The following POU6F2 variants were observed in gnomAD, a reference collection of about 807,000 sequenced individuals.
The protein encoded by POU6F2 is POU class 6 homeobox 2.
POU6F2 carries 31 observed loss-of-function variants against 71.3 expected under a neutral mutation model. The observed-to-expected ratio is 0.43, with a 90% CI of 0.33 to 0.59. The LOEUF (loss-of-function observed/expected upper bound fraction) is 0.59. Among genes scored for constraint, POU6F2 ranks in the 20% least tolerant of loss-of-function variants. POU6F2 has a pLI of 0.04. For missense variants in POU6F2, 783 were observed against 856.8 expected (o/e 0.91, Z 1.07); for synonymous variants, 347 against 355.7 (o/e 0.98, Z 0.27).
chr7:39,401,115 A>C (rs1191511091), intron 5 of POU6F2, among the ~76,000 whole-genome samples: 1 of 152,188 alleles, frequency 6.6e-6, no homozygotes, highest in Non-Finnish European at 1.5e-5. Context: ...CATTCTTCCC[A>C]GTGCGCAGGC....
chr7:39,088,369 A>G (rs1478319089), intron 2 of POU6F2, among the ~76,000 whole-genome samples: 1 of 152,174 alleles, frequency 6.6e-6, no homozygotes, highest in East Asian at 1.9e-4. Context: ...AGTTTACGTA[A>G]CTGACTAAAA....
At chr7:39,031,238 TC>T (rs1179420838) in intron 1 of POU6F2, among the ~76,000 whole-genome samples, 1 of 152,138 alleles carries the variant, frequency 6.6e-6, no homozygotes, top group East Asian at 1.9e-4. Flanking sequence ...GTATTTTAGT[TC>T]ATTCTGTTGT....
intron 4 of POU6F2, among the ~76,000 whole-genome samples, chr7:39,246,201 A>G (rs1226715055): frequency 6.6e-6 from 1 of 152,166 alleles, no homozygotes; most frequent in African/African-American, 2.4e-5. Context: ...ACAAGCAAAT[A>G]TGTTCTGAGC....
intron 6 of POU6F2, among the ~76,000 whole-genome samples, chr7:39,413,821 C>T (rs1356784754): frequency 1.3e-5 from 2 of 152,216 alleles, no homozygotes; most frequent in Admixed American, 6.5e-5. Context: ...AATCTTTCTA[C>T]TAACATATCA....
chr7:39,226,146 T>C (rs1562754264), intron 4 of POU6F2, among the ~76,000 whole-genome samples: 2 of 152,146 alleles, frequency 1.3e-5, no homozygotes, highest in Non-Finnish European at 2.9e-5. Context: ...AAGGTTGTAA[T>C]GAAATATTAG....
chr7:39,266,558 A>G (rs760271212), intron 4 of POU6F2, among the ~76,000 whole-genome samples: 3 of 151,786 alleles, frequency 2.0e-5, no homozygotes, highest in Non-Finnish European at 2.9e-5. Flanking sequence ...GGGAATGGGG[A>G]CTTGCTATGT....
At chr7:39,389,193 T>C (rs1161377931) in intron 5 of POU6F2, among the ~76,000 whole-genome samples, 1 of 152,158 alleles carries the variant, frequency 6.6e-6, no homozygotes, top group East Asian at 1.9e-4. Context: ...AGTGAAAATT[T>C]AGGGGAAAGA....
rs568772830 is a variant in POU6F2 at position 39,045,216 on chromosome 7, C to G, written c.106-40644C>G. ...GAATTCGCATCCCGTACCTATAGCT[C>G]GAACTGAGAAATTATCAGCACCTTA... On this transcript the variant is annotated intron_variant, in intron 1 of 9. Transcript: ENST00000518318. 3.3e-5 allele frequency among the ~76,000 whole-genome samples: 5 copies of G among 152,064 alleles called. No individual in the cohort carries two copies. In the East Asian group the frequency reaches 7.8e-4, roughly 24 times the overall value.
intron 2 of POU6F2, among the ~76,000 whole-genome samples, chr7:39,098,505 T>C (rs1026271796): frequency 7.2e-5 from 11 of 152,002 alleles, no homozygotes; most frequent in African/African-American, 2.7e-4. Flanking sequence ...GGTCTTGAAC[T>C]CCTGGCCTCA....
chr7:39,086,588 G>A (rs1210957875), intron 2 of POU6F2, among the ~76,000 whole-genome samples: 1 of 152,156 alleles, frequency 6.6e-6, no homozygotes, highest in African/African-American at 2.4e-5. Flanking sequence ...AAAAGGTGAT[G>A]AGGAAAGAAA....
At chr7:39,434,825 T>C (rs914638175) in intron 7 of POU6F2, among the ~76,000 whole-genome samples, 5 of 152,128 alleles carry the variant, frequency 3.3e-5, no homozygotes, top group African/African-American at 1.2e-4. Context: ...GTTGTTCCCC[T>C]CTCTGTGTCC....
At chr7:39,337,504 C>G (rs1372339574) in intron 4 of POU6F2, among the ~76,000 whole-genome samples, 1 of 152,186 alleles carries the variant, frequency 6.6e-6, no homozygotes, top group Non-Finnish European at 1.5e-5. Flanking sequence ...ATTTTATCTG[C>G]AAACATTCTT....
At chr7:39,407,600 A>G (rs1266581465) in intron 6 of POU6F2, among the ~76,000 whole-genome samples, 1 of 151,834 alleles carries the variant, frequency 6.6e-6, no homozygotes, top group Non-Finnish European at 1.5e-5. Context: ...ATGAAATCCA[A>G]GGGAGAAGGA....
rs1322246710 is a variant in POU6F2 at position 39,419,139 on chromosome 7, A to ATGTG, written c.1113+12400_1113+12401insGTGT. Among the ~76,000 whole-genome samples the ATGTG allele has an allele frequency of 8.5e-3, 1,189 of 140,190 alleles. 11 individuals are homozygous for ATGTG. The highest frequency in any genetic ancestry group is 0.027 in the Middle Eastern group (7 of 262). The allele number at this position is 140,190 out of a possible 152,430, so 92.0% of individuals were successfully genotyped here. Reference sequence around the variant, plus strand: ...TATATATGTGTATATATACACATATATATACGTATATATGTGTATATATAC... The same window carrying ATGTG: ...TATATATGTGTATATATACACATATATGTGTATACGTATATATGTGTATATATAC... On this transcript the variant is annotated intron_variant, in intron 6 of 9. Transcript: ENST00000518318.
intron 2 of POU6F2, among the ~76,000 whole-genome samples, chr7:39,149,822 G>A (rs1329056784): frequency 6.6e-6 from 1 of 151,724 alleles, no homozygotes; most frequent in East Asian, 1.9e-4. Context: ...TGTGTTTCTG[G>A]CTTATTTCGC....
chr7:39,446,420 T>C (rs1331531981), intron 7 of POU6F2, among the ~76,000 whole-genome samples: 1 of 152,258 alleles, frequency 6.6e-6, no homozygotes, highest in African/African-American at 2.4e-5. Context: ...TTCTGCATTT[T>C]AGTCCATTTT....
In POU6F2 at chr7:39,260,752, C is replaced by T. The variant is rs529122033; in HGVS notation, c.598+53132C>T. Among the ~76,000 whole-genome samples, 258 of 151,960 alleles carry T rather than the reference C, an allele frequency of 1.7e-3. 1 individual carries two copies. The highest frequency in any genetic ancestry group is 0.01 in the Middle Eastern group (3 of 294). On this transcript the variant is annotated intron_variant, in intron 4 of 9. Coordinates refer to ENST00000518318, the MANE Select transcript of POU6F2 (RefSeq NM_001370959.1). The stretch of plus-strand genomic sequence containing the variant: ...ACCACCTGCACACAACACACAGACA[C>T]CATGCCACATACCACATATACCACA...
chr7:39,297,711 T>C (rs1784877521), intron 4 of POU6F2, among the ~76,000 whole-genome samples: 1 of 149,556 alleles, frequency 6.7e-6, no homozygotes, highest in South Asian at 2.1e-4. Flanking sequence ...AATTAAACTA[T>C]CCTCAACAAA....
At chr7:39,433,517 A>G (rs569846298) in intron 7 of POU6F2, among the ~76,000 whole-genome samples, 2 of 152,352 alleles carry the variant, frequency 1.3e-5, no homozygotes, top group Non-Finnish European at 2.9e-5. Flanking sequence ...AATTACAAAC[A>G]GAGAGAGTGC....
Sources: gnomAD v4.1 joint callset for allele counts (sites outside exome capture counted in the v4.1 genomes callset) on GRCh38, gnomAD v4.1.1 for gene constraint, MANE v1.5 for transcripts, NCBI Gene and HGNC (gene_info 2026-07-23, HGNC 2026-07-21) for gene names.